The following OXR1 variants were observed in gnomAD, a reference collection of about 807,000 sequenced individuals.
The protein encoded by OXR1 is oxidation resistance protein 1.
Under a neutral mutation model 104.6 loss-of-function variants are expected in OXR1, and 41 were observed. The observed-to-expected ratio is 0.39, with a 90% CI of 0.31 to 0.51. OXR1 has a LOEUF of 0.51. Ranked by LOEUF, OXR1 falls within the 20% of genes least tolerant of loss-of-function variation. The pLI, the probability that OXR1 is intolerant of heterozygous loss-of-function variation, is 0.77. For missense variants in OXR1, 955 were observed against 1,031.9 expected (o/e 0.93, Z 1.02); for synonymous variants, 348 against 348.4 (o/e 1.00, Z 0.01).
intron 2 of OXR1, among the ~76,000 whole-genome samples, chr8:106,388,499 G>A (rs1472016257): frequency 2.0e-5 from 3 of 151,124 alleles, no homozygotes; most frequent in Admixed American, 1.3e-4. Flanking sequence ...CTCTGCTCAC[G>A]GCAACCTCTG....
intron 2 of OXR1, among the ~76,000 whole-genome samples, chr8:106,487,872 G>T (rs377460791): frequency 2.6e-5 from 4 of 151,750 alleles, no homozygotes; most frequent in Non-Finnish European, 4.4e-5. Flanking sequence ...GAATAATGCC[G>T]CAATAAACAT....
Position 106,679,270 on chromosome 8 carries a change from C to G in OXR1, c.281C>G (p.Pro94Arg), listed in dbSNP as rs758137442. 1.6e-5 allele frequency: 26 copies of G among 1,598,030 alleles called. No individual in the cohort carries two copies. Among genetic ancestry groups the G allele is most frequent in the Non-Finnish European group, 2.1e-5 (25 of 1,166,270 alleles). The change falls in exon 4 of 17, where the codon CCT becomes CGT. Residue 94 changes from proline to arginine, a missense_variant. Pro to Arg is a moderately radical substitution (Grantham distance 103, BLOSUM62 -2). Coordinates refer to ENST00000517566, the MANE Select transcript of OXR1 (RefSeq NM_001198533.2). Reference sequence around the variant, plus strand: ...GGAAGACGAATGTCTTTTCAGAAACCTAAAGGGACTATTGAGTATACTGTA... The same window carrying G: ...GGAAGACGAATGTCTTTTCAGAAACGTAAAGGGACTATTGAGTATACTGTA... ...KDGRRMSFQK[P>R]KGTIEYTVES...
intron 3 of OXR1, among the ~76,000 whole-genome samples, chr8:106,644,820 C>T (rs1487260141): frequency 7.9e-5 from 12 of 152,210 alleles, no homozygotes; most frequent in Middle Eastern, 3.4e-3. Context: ...AGTAGCAGGC[C>T]GCAAACGTGG....
chr8:106,512,042 A>G, intron 2 of OXR1, among the ~76,000 whole-genome samples: 1 of 152,214 alleles, frequency 6.6e-6, no homozygotes, highest in East Asian at 1.9e-4. Context: ...TTTTCAAAGC[A>G]AACATTTATA....
At chr8:106,405,203 GT>G (rs1818186256) in intron 2 of OXR1, among the ~76,000 whole-genome samples, 1 of 15,162 alleles carries the variant, frequency 6.6e-5, no homozygotes, top group Non-Finnish European at 9.8e-5. Flanking sequence ...TATATATATA[GT>G]GTGTGTGTGT....
intron 4 of OXR1, among the ~76,000 whole-genome samples, chr8:106,680,342 A>C (rs924406179): frequency 1.3e-5 from 2 of 152,128 alleles, no homozygotes; most frequent in African/African-American, 4.8e-5. Flanking sequence ...CTTCGTCTTT[A>C]CAATTCTGCA....
chr8:106,745,856 G>C lies in OXR1; in HGVS notation c.2480G>C (p.Gly827Ala). Residue 827 changes from glycine to alanine, a missense_variant, in exon 16 of 17, where the codon GGT becomes GCT. Physicochemically the swap from Gly to Ala is moderately conservative, Grantham distance 60. This residue lies in a region of OXR1 where 106 missense variants were observed against 179.0 expected (regional missense o/e 0.59). Coordinates refer to ENST00000517566, the MANE Select transcript of OXR1 (RefSeq NM_001198533.2). ...GACATGGATTCACTAGCTTTCGGTG[G>C]TGGAGGGTAAGTCTCTTGAACATTT... ...KGDMDSLAFG[G>A]GGGEFALWLD... is the part of the protein sequence containing the mutation. The C allele has an allele frequency of 6.4e-7, 1 of 1,571,588 alleles. No individual in the cohort carries two copies. The highest frequency in any genetic ancestry group is 8.8e-7 in the Non-Finnish European group (1 of 1,142,614).
chr8:106,422,624 G>A (rs749839537), intron 2 of OXR1, among the ~76,000 whole-genome samples: 19 of 151,898 alleles, frequency 1.3e-4, no homozygotes, highest in Non-Finnish European at 2.6e-4. Context: ...ATGAAGAGCC[G>A]TATGACTTCT....
In OXR1 at chr8:106,626,198, C is replaced by T. The variant is rs555471033; in HGVS notation, c.221-53012C>T. On this transcript the variant is annotated intron_variant, in intron 3 of 16. Coordinates refer to ENST00000517566, the MANE Select transcript of OXR1 (RefSeq NM_001198533.2). ...TTTTAGAGGCAAAAGATAGCTAATC[C>T]TGTTTTTCCTTGTAAAAAAAATTTT... Among the ~76,000 whole-genome samples, 3 of 151,714 alleles carry T rather than the reference C, an allele frequency of 2.0e-5. No individual in the cohort carries two copies. In the East Asian group the frequency reaches 5.8e-4, roughly 29 times the overall value.
At chr8:106,324,664 A>T (rs569492975) in intron 1 of OXR1, among the ~76,000 whole-genome samples, 50 of 151,874 alleles carry the variant, frequency 3.3e-4, no homozygotes, top group Non-Finnish European at 4.7e-4. Flanking sequence ...CTCCATCGTC[A>T]TCAACCACCC....
intron 3 of OXR1, among the ~76,000 whole-genome samples, chr8:106,581,668 G>A (rs1818231992): frequency 6.6e-6 from 1 of 151,924 alleles, no homozygotes; most frequent in African/African-American, 2.4e-5. Context: ...TACATTTAAT[G>A]TCACACTTGA....
intron 3 of OXR1, among the ~76,000 whole-genome samples, chr8:106,628,895 A>G (rs1000932245): frequency 6.6e-6 from 1 of 152,162 alleles, no homozygotes; most frequent in Non-Finnish European, 1.5e-5. Context: ...ACAGACTCCA[A>G]GGATAATTTT....
chr8:106,738,727 T>C (rs1025923636), intron 12 of OXR1, among the ~76,000 whole-genome samples: 8 of 146,364 alleles, frequency 5.5e-5, no homozygotes, highest in African/African-American at 2.0e-4. Context: ...TCTTATCGTT[T>C]TAAGAATACC....
chr8:106,311,740 C>T (rs1467258261), intron 1 of OXR1, among the ~76,000 whole-genome samples: 1 of 152,168 alleles, frequency 6.6e-6, no homozygotes, highest in Non-Finnish European at 1.5e-5. Flanking sequence ...AATATGTGCC[C>T]TATTCCTGCA....
chr8:106,316,732 CT>C (rs373596856), intron 1 of OXR1, among the ~76,000 whole-genome samples: 4,309 of 115,552 alleles, frequency 0.037, 87 homozygotes, highest in South Asian at 0.063. Flanking sequence ...ATCTATCTAT[CT>C]ATCTATCTAT....
At chr8:106,706,352 CTAAT>C (rs771639537) in intron 8 of OXR1, 26 bp from the exon 9 acceptor site, 22 of 1,481,140 alleles carry the variant, frequency 1.5e-5, no homozygotes, top group African/African-American at 2.9e-5. Context: ...TTTTAAAAGT[CTAAT>C]TATTTTTAAT....
intron 1 of OXR1, among the ~76,000 whole-genome samples, chr8:106,324,075 G>A (rs895266744): frequency 5.3e-5 from 8 of 152,152 alleles, no homozygotes; most frequent in African/African-American, 1.4e-4. Flanking sequence ...GTTCATTGCA[G>A]CAGTGTTCAC....
At chr8:106,511,799 A>G (rs899461998) in intron 2 of OXR1, among the ~76,000 whole-genome samples, 1 of 152,160 alleles carries the variant, frequency 6.6e-6, no homozygotes, top group Non-Finnish European at 1.5e-5. Flanking sequence ...AAGTTTATCT[A>G]TTTCTCCTAA....
intron 3 of OXR1, among the ~76,000 whole-genome samples, chr8:106,615,354 C>T (rs193265882): frequency 4.6e-5 from 7 of 151,992 alleles, no homozygotes; most frequent in African/African-American, 1.7e-4. Context: ...ATCACATGAA[C>T]TCAGGAGGTA....
Sources: gnomAD v4.1 joint callset for allele counts (sites outside exome capture counted in the v4.1 genomes callset) on GRCh38, gnomAD v4.1.1 for gene constraint, gnomAD v4.1.1 regional missense constraint, MANE v1.5 for transcripts, NCBI Gene and HGNC (gene_info 2026-07-23, HGNC 2026-07-21) for gene names.